The following TERB2 variants were observed in gnomAD, a reference collection of about 807,000 sequenced individuals.
The protein encoded by TERB2 is telomere repeats-binding bouquet formation protein 2.
A neutral mutation model predicts 29.8 loss-of-function variants in TERB2; 26 were observed. The ratio of observed to expected loss-of-function variants is 0.87; its 90% CI spans 0.64 to 1.21. The LOEUF (loss-of-function observed/expected upper bound fraction) is 1.21. TERB2 is among the 50% of genes most tolerant of loss of function. The pLI is 0.00. For missense variants in TERB2, 240 were observed against 268.6 expected (o/e 0.89, Z 0.74); for synonymous variants, 80 against 90.8 (o/e 0.88, Z 0.68).
intron 5 of TERB2, among the ~76,000 whole-genome samples, chr15:44,966,515 T>G (rs1317555625): frequency 6.6e-6 from 1 of 152,200 alleles, no homozygotes; most frequent in African/African-American, 2.4e-5. Context: ...ACCAGGTATT[T>G]ACTATGTAGA....
chr15:44,964,246 T>C lies in TERB2; in HGVS notation c.349-1912T>C, dbSNP rs560592680. Among the ~76,000 whole-genome samples, 186 of 152,308 alleles carry C rather than the reference T, an allele frequency of 1.2e-3. 1 individual carries two copies. Among genetic ancestry groups the C allele is most frequent in the African/African-American group, 4.4e-3 (183 of 41,574 alleles). On this transcript the variant is annotated intron_variant, in intron 4 of 6. Transcript: ENST00000340827. ...TATCATATAGAAAACCTTTACATTA[T>C]GTCCAAAATCAGGCCATCAACTTAT...
In TERB2 at chr15:44,978,612, A is replaced by C. The variant is rs759943323; in HGVS notation, c.647A>C (p.Lys216Thr). 1 of 1,595,798 alleles carries C rather than the reference A, an allele frequency of 6.3e-7. No individual in the cohort carries two copies. ...NEINMSAIKN[K>T]LKRK ...ATTAATATGTCTGCTATAAAAAACA[A>C]ATTGAAGAGGAAATAGTAAATTAAA... The change falls in exon 7 of 7, where the codon AAA (lysine) becomes ACA (threonine). Residue 216 changes from lysine (K) to threonine (T), a missense_variant. Physicochemically the swap from Lys to Thr is moderately conservative, Grantham distance 78 (BLOSUM62 -1). Transcript: ENST00000340827.
rs369376773 is a variant in TERB2, at chr15:44,978,476, T to C, written c.524-13T>C. 30 of 1,568,774 alleles carry C rather than the reference T, an allele frequency of 1.9e-5. No homozygotes were observed. Among genetic ancestry groups the C allele is most frequent in the Non-Finnish European group, 2.4e-5 (28 of 1,161,030 alleles). The stretch of plus-strand genomic sequence containing the variant: ...TTTTAAGTATATATCTTTTTTTAAA[T>C]TTTATTTTGTAGGTTATATATCAAT... On this transcript the variant is annotated splice_polypyrimidine_tract_variant and intron_variant, in intron 6 of 6. Transcript: ENST00000340827.
Position 44,979,038 on chromosome 15 carries a change from T to C in TERB2, c.*410T>C, listed in dbSNP as rs1277217300. 1 of 152,476 alleles carries C rather than the reference T, an allele frequency of 6.6e-6. No individual in the cohort carries two copies. The highest frequency in any genetic ancestry group is 1.5e-5 in the Non-Finnish European group (1 of 68,256). 9.4% of individuals were successfully genotyped at this position (152,476 alleles called of 1,614,324 possible). On this transcript the variant is annotated 3_prime_UTR_variant, in exon 7 of 7. Transcript: ENST00000340827. ...TTTAACATTCTATTAATTATATTTTTTCTAGATTGAATACTGTGAATGCTA... is the reference window on the plus strand; with the variant it reads ...TTTAACATTCTATTAATTATATTTTCTCTAGATTGAATACTGTGAATGCTA...
In TERB2 at chr15:44,963,084, A is replaced by G. The variant is rs186541783; in HGVS notation, c.348+1500A>G. 3.3e-4 allele frequency among the ~76,000 whole-genome samples: 50 copies of G among 152,372 alleles called. 1 individual carries two copies. The highest frequency in any genetic ancestry group is 1.2e-3 in the African/African-American group (49 of 41,592). ...GTAAATATAGAAAGAAAGATAAAAT[A>G]GAAAAATCACCATTTTTAAAACCCT... On this transcript the variant is annotated intron_variant, in intron 4 of 6. Transcript: ENST00000340827.
At chr15:44,971,737 C>G (rs1891973339) in intron 5 of TERB2, among the ~76,000 whole-genome samples, 1 of 151,496 alleles carries the variant, frequency 6.6e-6, no homozygotes, top group Non-Finnish European at 1.5e-5. Context: ...GCCTGGGTGA[C>G]AGAGCAAGAC....
intron 2 of TERB2, among the ~76,000 whole-genome samples, 191 bp downstream of exon 2, chr15:44,957,168 C>T (rs1295753181): frequency 6.6e-6 from 1 of 150,478 alleles, no homozygotes; most frequent in Non-Finnish European, 1.5e-5. Context: ...GAGCCAAGAT[C>T]GCACCACTGC....
chr15:44,973,270 T>C lies in TERB2; in HGVS notation c.435-597T>C, dbSNP rs915020528. Among the ~76,000 whole-genome samples the C allele has an allele frequency of 3.3e-5, 5 of 152,344 alleles. No homozygotes were observed. The South Asian group carries it at 8.3e-4, about 25-fold the overall frequency. On this transcript the variant is annotated intron_variant, in intron 5 of 6. Coordinates refer to ENST00000340827, the MANE Select transcript of TERB2 (RefSeq NM_152448.3). The stretch of plus-strand genomic sequence containing the variant: ...TTGAATACTAACAAACATGTTGTGA[T>C]CATTTAAAATAGAATCTACTATGCT...
chr15:44,964,661 G>A (rs886779377), intron 4 of TERB2, among the ~76,000 whole-genome samples: 7 of 152,136 alleles, frequency 4.6e-5, no homozygotes, highest in African/African-American at 1.4e-4. Flanking sequence ...TTGTATGGAC[G>A]TTGACTCTAG....
Position 44,973,877 on chromosome 15 carries a change from C to G in TERB2, c.445C>G (p.His149Asp). ...TGCTTTATTTTACAGCCCAGAAAAG[C>G]ATTTTATAAGAACTCCAGTTGTAGA... ...KKELSKSPEK[H>D]FIRTPVVEKQ... is the part of the protein sequence containing the mutation. Residue 149 changes from histidine (H) to aspartate (D), a missense_variant, in exon 6 of 7, where the codon CAT becomes GAT. Coordinates refer to ENST00000340827, the MANE Select transcript of TERB2 (RefSeq NM_152448.3). 6.3e-7 allele frequency: 1 copy of G among 1,591,594 alleles called. No homozygotes were observed.
chr15:44,971,832 C>G (rs548071879), intron 5 of TERB2, among the ~76,000 whole-genome samples: 14 of 151,850 alleles, frequency 9.2e-5, no homozygotes, highest in African/African-American at 2.4e-4. Context: ...CATCCCCCCC[C>G]CTCCTTTTTT....
At chr15:44,967,390 A>G (rs953222848) in intron 5 of TERB2, among the ~76,000 whole-genome samples, 6 of 152,242 alleles carry the variant, frequency 3.9e-5, no homozygotes, top group African/African-American at 1.4e-4. Context: ...GATTCTAAAG[A>G]AAGAACCACT....
At chr15:44,963,804 CT>C (rs34438861) in intron 4 of TERB2, among the ~76,000 whole-genome samples, 10,283 of 79,368 alleles carry the variant, frequency 0.13, 274 homozygotes, top group African/African-American at 0.25. Flanking sequence ...TTATACTATT[CT>C]TTTTTTTTTT....
rs185344063 is a variant in TERB2 at position 44,975,979 on chromosome 15, A to T, written c.523+2024A>T. The T allele has an allele frequency of 1.4e-4, 22 of 152,354 alleles. No individual in the cohort carries two copies. The East Asian group carries it at 4.1e-3, about 28-fold the overall frequency. The allele number at this position is 152,354 out of a possible 1,614,324, so 9.4% of individuals were successfully genotyped here. ...GGTTCTGATAATTAAAAGTTTGGAA[A>T]TCTACAGTAGATGCTGTATTAGTTA... is the stretch of plus-strand genomic sequence containing the variant. On this transcript the variant is annotated intron_variant, in intron 6 of 6. Coordinates refer to ENST00000340827, the MANE Select transcript of TERB2 (RefSeq NM_152448.3).
At chr15:44,958,058 A>G (rs1339248112) in intron 2 of TERB2, among the ~76,000 whole-genome samples, 1 of 152,074 alleles carries the variant, frequency 6.6e-6, no homozygotes, top group African/African-American at 2.4e-5. Context: ...CTTTATAGCA[A>G]TGACCATGGA....
chr15:44,978,762 CT>C lies in TERB2; in HGVS notation c.*137del. ...AATTTTTCTGTTTCTCAAAGTATAT[CT>C]TTAGGAAATACAGAATCATTTTGGT... On this transcript the variant is annotated 3_prime_UTR_variant, in exon 7 of 7. Transcript: ENST00000340827. The C allele has an allele frequency of 8.6e-7, 1 of 1,164,332 alleles. No homozygotes were observed. Among genetic ancestry groups the C allele is most frequent in the Non-Finnish European group, 1.1e-6 (1 of 896,574 alleles). The allele number at this position is 1,164,332 out of a possible 1,614,324, so 72.1% of individuals were successfully genotyped here. A position where few individuals can be genotyped will look rare whatever the true frequency, so the allele number is the denominator to read the frequency against.
intron 5 of TERB2, chr15:44,971,167 G>C (rs1401786333): frequency 6.5e-6 from 1 of 152,766 alleles, no homozygotes; most frequent in Non-Finnish European, 1.5e-5. Flanking sequence ...GCATCCATGA[G>C]AGCCTGAAAC....
intron 4 of TERB2, among the ~76,000 whole-genome samples, chr15:44,964,111 T>C (rs1196317705): frequency 6.6e-6 from 1 of 152,104 alleles, no homozygotes; most frequent in African/African-American, 2.4e-5. Context: ...GCCTGGCCTA[T>C]TGTACTATTC....
chr15:44,959,354 T>C (rs913819560), intron 3 of TERB2, among the ~76,000 whole-genome samples: 4 of 152,080 alleles, frequency 2.6e-5, no homozygotes, highest in African/African-American at 9.7e-5. Flanking sequence ...ATCCTGCCTA[T>C]TTTTTCTGGG....
Sources: gnomAD v4.1 joint callset for allele counts (sites outside exome capture counted in the v4.1 genomes callset) on GRCh38, gnomAD v4.1.1 for gene constraint, MANE v1.5 for transcripts, NCBI Gene and HGNC (gene_info 2026-07-23, HGNC 2026-07-21) for gene names.